The following SLAIN2 variants were observed in gnomAD, a reference collection of about 807,000 sequenced individuals.
The protein encoded by SLAIN2 is SLAIN family member 2.
A neutral mutation model predicts 56.6 loss-of-function variants in SLAIN2; 31 were observed. That is an observed-to-expected ratio of 0.55 (90% CI 0.41 to 0.74). The LOEUF (loss-of-function observed/expected upper bound fraction) is 0.74, where lower values mean the gene tolerates loss of function less well. SLAIN2 is among the 30% of genes least tolerant of loss of function. The pLI, the probability that SLAIN2 is intolerant of heterozygous loss-of-function variation, is 0.00. For missense variants in SLAIN2, 777 were observed against 754.2 expected, an observed-to-expected ratio of 1.03 and a Z score of -0.35; for synonymous variants, 317 against 284.9, an observed-to-expected ratio of 1.11 and a Z score of -1.13.
Position 48,425,010 on chromosome 4 carries a change from A to T in SLAIN2, c.*2933A>T, listed in dbSNP as rs1298733738. On this transcript the variant is annotated 3_prime_UTR_variant, in exon 8 of 8. Coordinates refer to ENST00000264313, the MANE Select transcript of SLAIN2 (RefSeq NM_020846.2). ...AAACAGCCTGACCATAATGTTTATT[A>T]TTAAATTTATATTCTTTAAGTGTTT... The T allele has an allele frequency of 6.6e-6, 1 of 152,096 alleles. No individual in the cohort carries two copies. Among genetic ancestry groups the T allele is most frequent in the Non-Finnish European group, 1.5e-5 (1 of 67,986 alleles). The allele number at this position is 152,096 out of a possible 1,614,324, so 9.4% of individuals were successfully genotyped here.
At chr4:48,373,110 TC>T (rs1405470086) in intron 2 of SLAIN2, among the ~76,000 whole-genome samples, 1 of 152,202 alleles carries the variant, frequency 6.6e-6, no homozygotes, top group Non-Finnish European at 1.5e-5. Context: ...TGAAGATTCT[TC>T]CTTTTCTACC....
At chr4:48,397,703 A>G (rs568394049) in intron 6 of SLAIN2, among the ~76,000 whole-genome samples, 14 of 152,152 alleles carry the variant, frequency 9.2e-5, no homozygotes, top group Non-Finnish European at 1.8e-4. Flanking sequence ...TGTTCCCCAC[A>G]GTGTGTCCAT....
rs184626935 is a variant in SLAIN2 at position 48,398,707 on chromosome 4, G to A, written c.1360+14923G>A. ...GGAAGGGGTCTAGTTTCAATTTTCT[G>A]CATATGGCTAGCCTGTTCTCCTAGC... On this transcript the variant is annotated intron_variant, in intron 6 of 7. Transcript: ENST00000264313. 3.8e-4 allele frequency among the ~76,000 whole-genome samples: 58 copies of A among 152,180 alleles called. No individual in the cohort carries two copies. In the East Asian group the frequency reaches 0.011, roughly 28 times the overall value.
chr4:48,388,421 G>A (rs1716153987), intron 6 of SLAIN2, among the ~76,000 whole-genome samples: 1 of 152,040 alleles, frequency 6.6e-6, no homozygotes, highest in Non-Finnish European at 1.5e-5. Flanking sequence ...AAAGTCATAG[G>A]AATAATTGGT....
chr4:48,374,123 G>A (rs1238849712), intron 2 of SLAIN2, among the ~76,000 whole-genome samples: 3 of 152,188 alleles, frequency 2.0e-5, no homozygotes, highest in African/African-American at 4.8e-5. Flanking sequence ...TGACATATAC[G>A]AAGAAGTTGC....
chr4:48,377,768 C>T (rs1184006247), intron 2 of SLAIN2, 128 bp from the exon 3 acceptor site: 6 of 913,870 alleles, frequency 6.6e-6, no homozygotes, highest in Non-Finnish European at 9.9e-6. Context: ...TTTTCCCCCA[C>T]TACCATAAGA....
At chr4:48,408,789 G>A (rs1716771200) in intron 6 of SLAIN2, among the ~76,000 whole-genome samples, 1 of 151,714 alleles carries the variant, frequency 6.6e-6, no homozygotes. Context: ...GTATTTATAA[G>A]GTTTGCAGTA....
intron 2 of SLAIN2, among the ~76,000 whole-genome samples, chr4:48,371,513 A>G (rs1715663205): frequency 6.6e-6 from 1 of 152,238 alleles, no homozygotes; most frequent in African/African-American, 2.4e-5. Context: ...TATGTAGACA[A>G]GCTAGTAGAC....
chr4:48,402,765 C>T (rs556697592), intron 6 of SLAIN2, among the ~76,000 whole-genome samples: 26 of 152,238 alleles, frequency 1.7e-4, no homozygotes, highest in South Asian at 8.3e-4. Context: ...GTGCCCTTGC[C>T]GGAGAGATGT....
intron 3 of SLAIN2, 101 bp downstream of exon 3, chr4:48,378,161 T>C (rs1715877745): frequency 5.2e-6 from 7 of 1,351,178 alleles, no homozygotes; most frequent in East Asian, 2.3e-5. Context: ...ATTTTATTTA[T>C]GAAACTTTTA....
At position 48,387,550 on chromosome 4, in the gene SLAIN2, TC is replaced by T. The variant is rs201501066; in HGVS notation, c.1360+3768del. On this transcript the variant is annotated intron_variant, in intron 6 of 7. Transcript: ENST00000264313. Reference sequence around the variant, plus strand: ...AAGTAAGGTACCATGTTTTTTTTTTTCCAATTGTATGTACTTGTTTATATTT... The same window carrying T: ...AAGTAAGGTACCATGTTTTTTTTTTTCAATTGTATGTACTTGTTTATATTT... The T allele has an allele frequency of 1.6e-3, 249 of 152,014 alleles. 2 individuals carry two copies. The highest frequency in any genetic ancestry group is 5.3e-3 in the African/African-American group (221 of 41,524). The allele number at this position is 152,014 out of a possible 1,614,324, so 9.4% of individuals were successfully genotyped here.
chr4:48,421,526 A>G (rs1717157297), intron 7 of SLAIN2, among the ~76,000 whole-genome samples: 3 of 152,086 alleles, frequency 2.0e-5, no homozygotes, highest in South Asian at 2.1e-4. Flanking sequence ...CTATTTTTCA[A>G]AAGAGGATAT....
intron 6 of SLAIN2, among the ~76,000 whole-genome samples, chr4:48,408,459 A>G (rs1165712976): frequency 6.7e-6 from 1 of 150,254 alleles, no homozygotes; most frequent in African/African-American, 2.4e-5. Context: ...GTGGAGGTGG[A>G]AGATAGTGAT....
chr4:48,387,338 C>T (rs1716126899), intron 6 of SLAIN2: 1 of 152,128 alleles, frequency 6.6e-6, no homozygotes, highest in Non-Finnish European at 1.5e-5. Context: ...TAATCACCTG[C>T]TGATACCCTA....
Position 48,362,518 on chromosome 4 carries a change from A to T in SLAIN2, c.390-7331A>T, listed in dbSNP as rs550257876. Among the ~76,000 whole-genome samples the T allele has an allele frequency of 8.1e-5, 12 of 147,870 alleles. No individual in the cohort carries two copies. The East Asian group carries it at 2.4e-3, about 29-fold the overall frequency. On this transcript the variant is annotated intron_variant, in intron 1 of 7. Coordinates refer to ENST00000264313, the MANE Select transcript of SLAIN2 (RefSeq NM_020846.2). The stretch of plus-strand genomic sequence containing the variant: ...ACTACAACCTCTGACTCCTAGGTTC[A>T]AGCGATTCTCCTGCCTCAGCCTCCC...
At chr4:48,384,097 T>C (rs2109764131) in intron 6 of SLAIN2, among the ~76,000 whole-genome samples, 1 of 143,344 alleles carries the variant, frequency 7.0e-6, no homozygotes, top group South Asian at 2.1e-4. Context: ...GATACTAGAA[T>C]TAGAAATAAA....
chr4:48,352,236 C>T (rs1322103886), intron 1 of SLAIN2, among the ~76,000 whole-genome samples: 1 of 152,176 alleles, frequency 6.6e-6, no homozygotes, highest in African/African-American at 2.4e-5. Context: ...ACCTCTTCTG[C>T]CCTGAAGTAT....
At chr4:48,400,385 CTTCTTTTTTTT>C (rs1215610448) in intron 6 of SLAIN2, among the ~76,000 whole-genome samples, 4 of 94,722 alleles carry the variant, frequency 4.2e-5, no homozygotes, top group African/African-American at 8.1e-5. Flanking sequence ...CTGTTTGATT[CTTCTTTTTTTT>C]TTTTTTTTTT....
chr4:48,344,385 C>T (rs1236370607), intron 1 of SLAIN2, among the ~76,000 whole-genome samples: 2 of 152,122 alleles, frequency 1.3e-5, no homozygotes, highest in East Asian at 3.8e-4. Context: ...AGCTATTGCA[C>T]CTTCCTTTTC....
Sources: allele counts gnomAD v4.1 joint callset (sites outside exome capture counted in the v4.1 genomes callset), GRCh38; gene constraint gnomAD v4.1.1; transcripts MANE v1.5; gene names NCBI Gene and HGNC (gene_info 2026-07-23, HGNC 2026-07-21).